ALPK3: variants seen among roughly 807,000 people sequenced by gnomAD.
ALPK3 encodes the protein alpha-protein kinase 3.
ALPK3 carries 102 observed loss-of-function variants against 140.0 expected under a neutral mutation model. The observed-to-expected ratio is 0.73, with a 90% CI of 0.62 to 0.86. ALPK3 has a LOEUF of 0.86. Among genes scored for constraint, ALPK3 ranks in the 40% least tolerant of loss-of-function variants. The probability of loss-of-function intolerance (pLI) is 0.00; values close to 1 mark genes in which losing one functional copy is unlikely to be tolerated. For synonymous variants in ALPK3, 938 were observed against 898.5 expected, an observed-to-expected ratio of 1.04 and a Z score of -0.79; for missense variants, 2,254 against 2,208.2, an observed-to-expected ratio of 1.02 and a Z score of -0.42.
At chr15:84,837,404 C>T (rs1374137806) in intron 3 of ALPK3, among the ~76,000 whole-genome samples, 2 of 152,094 alleles carry the variant, frequency 1.3e-5, no homozygotes, top group Non-Finnish European at 2.9e-5. Context: ...GTGGTGCATC[C>T]GTAGGCAGTA....
In ALPK3 at chr15:84,840,491, C is replaced by T; in HGVS notation, c.1212C>T (p.Gly404=). 6.2e-7 allele frequency: 1 copy of T among 1,612,958 alleles called. No individual in the cohort carries two copies. Among genetic ancestry groups the T allele is most frequent in the Non-Finnish European group, 8.5e-7 (1 of 1,179,676 alleles). ...CAGACAAGGCCCAGAAGGCCCCTGG[C>T]CCAGGCCCAGGCCAGGAAGTGTATT... ...GTPDKAQKAP[G]PGPGQEVYFS... Residue 404 remains glycine, a synonymous_variant, in exon 5 of 14, where the codon GGC becomes GGT. Transcript: ENST00000258888.
At chr15:84,868,021 C>A in intron 13 of ALPK3, 90 bp from the exon 14 acceptor site, 1 of 1,322,128 alleles carries the variant, frequency 7.6e-7, no homozygotes, top group Non-Finnish European at 1.0e-6. Flanking sequence ...CTGAGCACGA[C>A]ATCCTGATGA....
intron 4 of ALPK3, among the ~76,000 whole-genome samples, 171 bp downstream of exon 4, chr15:84,839,268 C>T (rs865929900): frequency 5.3e-5 from 8 of 152,322 alleles, no homozygotes; most frequent in Non-Finnish European, 1.0e-4. Context: ...ATCTGCCTTC[C>T]GGTGTCTGGG....
intron 6 of ALPK3, 105 bp downstream of exon 6, chr15:84,858,660 C>A: frequency 7.0e-7 from 1 of 1,419,348 alleles, no homozygotes; most frequent in South Asian, 1.5e-5. Context: ...GCATATCCCT[C>A]CTCGGGATTC....
At chr15:84,861,990 G>A (rs934164580) in intron 9 of ALPK3, among the ~76,000 whole-genome samples, 2 of 152,194 alleles carry the variant, frequency 1.3e-5, no homozygotes, top group Non-Finnish European at 2.9e-5. Flanking sequence ...TGGCCCCTGT[G>A]TCCTTCTGCC....
chr15:84,847,595 A>G (rs773534486), intron 5 of ALPK3, among the ~76,000 whole-genome samples: 2 of 152,222 alleles, frequency 1.3e-5, no homozygotes, highest in Non-Finnish European at 2.9e-5. Context: ...ATCAGAAACA[A>G]TGGAGGCCAA....
In ALPK3 at chr15:84,840,322, G is replaced by A. The variant is rs2141556874; in HGVS notation, c.1043G>A (p.Ser348Asn). 1 of 1,614,040 alleles carries A rather than the reference G, an allele frequency of 6.2e-7. No individual in the cohort carries two copies. The highest frequency in any genetic ancestry group is 1.3e-5 in the African/African-American group (1 of 75,050). ...SRRSSENCIP[S>N]SDEPDSCGTQ... ...CGTTCTTCAGAAAACTGCATCCCCAGCTCAGACGAGCCTGACTCCTGTGGG... is the reference window on the plus strand; with the variant it reads ...CGTTCTTCAGAAAACTGCATCCCCAACTCAGACGAGCCTGACTCCTGTGGG... Residue 348 changes from serine (S) to asparagine (N), a missense_variant, in exon 5 of 14, where the codon AGC becomes AAC. By Grantham distance (46) the Ser-to-Asn change is conservative. This residue lies in a region of ALPK3 where 2,088 missense variants were observed against 2,022.9 expected (regional missense o/e 1.03). Coordinates refer to ENST00000258888, the MANE Select transcript of ALPK3 (RefSeq NM_020778.5).
At chr15:84,821,298 A>G (rs1214676704) in intron 1 of ALPK3, among the ~76,000 whole-genome samples, 6 of 152,204 alleles carry the variant, frequency 3.9e-5, no homozygotes, top group Non-Finnish European at 8.8e-5. Flanking sequence ...TTGGTCCAGG[A>G]GCAGCAGAGC....
chr15:84,842,399 A>G (rs1453678835), intron 5 of ALPK3, among the ~76,000 whole-genome samples: 10 of 152,242 alleles, frequency 6.6e-5, no homozygotes, highest in East Asian at 1.9e-4. Flanking sequence ...GGTGAGAACT[A>G]AGATGAGACT....
intron 3 of ALPK3, 42 bp downstream of exon 3, chr15:84,827,647 C>A: frequency 6.2e-7 from 1 of 1,611,314 alleles, no homozygotes; most frequent in East Asian, 2.2e-5. Context: ...GGCCTCTGCA[C>A]AGAGCAGGGT....
intron 2 of ALPK3, 46 bp from the exon 3 acceptor site, chr15:84,827,438 T>C (rs781336321): frequency 1.9e-6 from 3 of 1,611,216 alleles, no homozygotes; most frequent in Non-Finnish European, 2.5e-6. Flanking sequence ...GCTGTGCTGT[T>C]TGTTGTGGGG....
chr15:84,865,251 C>T (rs1024747298), intron 12 of ALPK3, among the ~76,000 whole-genome samples: 1 of 152,198 alleles, frequency 6.6e-6, no homozygotes, highest in Admixed American at 6.5e-5. Context: ...TGCAGGCCTA[C>T]TGTCATTAAG....
chr15:84,841,066 C>T (rs974445295), intron 5 of ALPK3, 134 bp downstream of exon 5: 1 of 1,241,492 alleles, frequency 8.1e-7, no homozygotes. Flanking sequence ...GGAGTGCCAG[C>T]TACAGGGACC....
In ALPK3 at chr15:84,840,882, A is replaced by C. The variant is rs1284994647; in HGVS notation, c.1603A>C (p.Thr535Pro). The C allele has an allele frequency of 1.2e-6, 2 of 1,613,130 alleles. No individual in the cohort carries two copies. The highest frequency in any genetic ancestry group is 2.7e-5 in the African/African-American group (2 of 74,878). The change falls in exon 5 of 14, where the codon ACC becomes CCC. Residue 535 changes from threonine to proline, a missense_variant. Transcript: ENST00000258888. Reference sequence around the variant, plus strand: ...GCCCCCTGCCCGGCGGAGACATGGCACCCGGGACAGCACGTTGCAGGGGCA... The same window carrying C: ...GCCCCCTGCCCGGCGGAGACATGGCCCCCGGGACAGCACGTTGCAGGGGCA... Reference protein sequence around the residue: ...PTPPARRRHGTRDSTLQGQAG... With the variant: ...PTPPARRRHGPRDSTLQGQAG...
rs910147911 is a variant in ALPK3 at position 84,868,581 on chromosome 15, A to T, written c.*125A>T. Reference sequence around the variant, plus strand: ...TGCACGAAGGAGACACCACTTGGGGACCTCTCTGAGCAGGCTCTCGTGAAT... The same window carrying T: ...TGCACGAAGGAGACACCACTTGGGGTCCTCTCTGAGCAGGCTCTCGTGAAT... On this transcript the variant is annotated 3_prime_UTR_variant, in exon 14 of 14. Transcript: ENST00000258888. The T allele has an allele frequency of 2.1e-6, 2 of 955,456 alleles. No individual in the cohort carries two copies. Among genetic ancestry groups the T allele is most frequent in the Admixed American group, 2.9e-5 (1 of 35,022 alleles). The allele number at this position is 955,456 out of a possible 1,614,324, so 59.2% of individuals were successfully genotyped here. A position where few individuals can be genotyped will look rare whatever the true frequency, so the allele number is the denominator to read the frequency against.
At chr15:84,845,094 A>T (rs1025351568) in intron 5 of ALPK3, among the ~76,000 whole-genome samples, 1 of 151,786 alleles carries the variant, frequency 6.6e-6, no homozygotes, top group African/African-American at 2.4e-5. Flanking sequence ...GGGGATGAAG[A>T]CCAGAACTCA....
Position 84,864,487 on chromosome 15 carries a change from A to T in ALPK3, c.4545A>T (p.Pro1515=). 6.2e-7 allele frequency: 1 copy of T among 1,614,044 alleles called. No homozygotes were observed. The highest frequency in any genetic ancestry group is 8.5e-7 in the Non-Finnish European group (1 of 1,180,002). The change falls in exon 12 of 14, where the codon CCA becomes CCT. Residue 1515 remains proline, a synonymous_variant. Coordinates refer to ENST00000258888, the MANE Select transcript of ALPK3 (RefSeq NM_020778.5). ...TCTACCGGCCTGCAAACAATATCCCATATGCTACCCTGGAGGAAGACCTGG... is the reference window on the plus strand; with the variant it reads ...TCTACCGGCCTGCAAACAATATCCCTTATGCTACCCTGGAGGAAGACCTGG... ...YLIYRPANNI[P]YATLEEDLGK...
intron 12 of ALPK3, among the ~76,000 whole-genome samples, chr15:84,865,175 C>T (rs1413264968): frequency 2.0e-5 from 3 of 152,142 alleles, no homozygotes; most frequent in Admixed American, 6.6e-5. Flanking sequence ...CCCCCCATTA[C>T]CCAGAACTCC....
At chr15:84,835,833 G>C (rs1321709774) in intron 3 of ALPK3, among the ~76,000 whole-genome samples, 1 of 152,170 alleles carries the variant, frequency 6.6e-6, no homozygotes, top group Non-Finnish European at 1.5e-5. Context: ...TAAGCACTTA[G>C]TGCATTGCTT....
Sources: gnomAD v4.1 joint callset for allele counts (sites outside exome capture counted in the v4.1 genomes callset) on GRCh38, gnomAD v4.1.1 for gene constraint, gnomAD v4.1.1 regional missense constraint, MANE v1.5 for transcripts, NCBI Gene and HGNC (gene_info 2026-07-23, HGNC 2026-07-21) for gene names.